Variants in COL15A1 observed in about 807,000 individuals in gnomAD.
COL15A1 encodes the protein collagen type XV alpha 1 chain.
In COL15A1, 111 loss-of-function variants were observed where a neutral mutation model predicts 165.9. The ratio of observed to expected loss-of-function variants is 0.67; its 90% confidence interval spans 0.57 to 0.78. COL15A1 has a LOEUF of 0.78. COL15A1 is among the 30% of genes least tolerant of loss of function. The probability of loss-of-function intolerance (pLI) is 0.00; values close to 1 mark genes in which losing one functional copy is unlikely to be tolerated. For synonymous variants in COL15A1, 659 were observed against 674.8 expected (o/e 0.98, Z 0.36); for missense variants, 1,745 against 1,789.7 (o/e 0.98, Z 0.45).
At chr9:98,966,931 T>C (rs1332127690) in intron 2 of COL15A1, among the ~76,000 whole-genome samples, 1 of 152,216 alleles carries the variant, frequency 6.6e-6, no homozygotes, top group East Asian at 1.9e-4. Context: ...AAATATGATG[T>C]GTTAAGACAG....
chr9:98,991,646 C>T (rs1371373861), intron 5 of COL15A1, among the ~76,000 whole-genome samples: 1 of 152,100 alleles, frequency 6.6e-6, no homozygotes, highest in Non-Finnish European at 1.5e-5. Context: ...GAGCTAGATA[C>T]AGAGTGCCGA....
At chr9:99,032,675 T>C (rs1023101237) in intron 16 of COL15A1, among the ~76,000 whole-genome samples, 1 of 152,226 alleles carries the variant, frequency 6.6e-6, no homozygotes, top group Non-Finnish European at 1.5e-5. Flanking sequence ...TTGGAACTTC[T>C]GATTGTGGCT....
intron 2 of COL15A1, among the ~76,000 whole-genome samples, chr9:98,980,212 T>C (rs1313118590): frequency 6.6e-6 from 1 of 151,674 alleles, no homozygotes; most frequent in Non-Finnish European, 1.5e-5. Flanking sequence ...ATTCATTTGT[T>C]CATTCATTCA....
intron 38 of COL15A1, 94 bp from the exon 39 acceptor site, chr9:99,062,956 T>C (rs577745405): frequency 1.8e-5 from 26 of 1,454,152 alleles, no homozygotes; most frequent in South Asian, 2.8e-5. Context: ...TTAAAGCATC[T>C]TCTCAAGAAA....
intron 12 of COL15A1, among the ~76,000 whole-genome samples, chr9:99,021,694 T>G (rs1588519082): frequency 6.6e-6 from 1 of 152,216 alleles, no homozygotes; most frequent in Admixed American, 6.5e-5. Context: ...ATGATGTTCC[T>G]GTAAAGGTCA....
At chr9:98,962,075 G>A (rs1341243965) in intron 2 of COL15A1, among the ~76,000 whole-genome samples, 1 of 152,214 alleles carries the variant, frequency 6.6e-6, no homozygotes, top group Non-Finnish European at 1.5e-5. Flanking sequence ...GCTTCCTCCC[G>A]TCTATACAAC....
chr9:99,057,643 A>G (rs577930269), intron 35 of COL15A1, among the ~76,000 whole-genome samples: 1 of 152,340 alleles, frequency 6.6e-6, no homozygotes, highest in African/African-American at 2.4e-5. Context: ...TTCCAAGGTC[A>G]CACAGCTAAT....
At chr9:98,951,717 C>T (rs368004978) in intron 2 of COL15A1, among the ~76,000 whole-genome samples, 1 of 151,708 alleles carries the variant, frequency 6.6e-6, no homozygotes, top group African/African-American at 2.4e-5. Flanking sequence ...ACCCTCATAC[C>T]CAGCTAATTT....
intron 6 of COL15A1, among the ~76,000 whole-genome samples, chr9:99,000,411 G>A (rs569151402): frequency 6.6e-6 from 1 of 151,646 alleles, no homozygotes; most frequent in African/African-American, 2.4e-5. Context: ...ATAATGATAC[G>A]ATATCTATAC....
chr9:99,006,610 G>C (rs1229045665), intron 9 of COL15A1, among the ~76,000 whole-genome samples: 3 of 151,542 alleles, frequency 2.0e-5, no homozygotes, highest in Non-Finnish European at 4.4e-5. Flanking sequence ...GAACAAAGTG[G>C]CTGTCTCCTT....
chr9:99,039,376 G>A (rs1839360908), intron 22 of COL15A1, among the ~76,000 whole-genome samples: 1 of 152,174 alleles, frequency 6.6e-6, no homozygotes, highest in African/African-American at 2.4e-5. Context: ...GGGCATGGTG[G>A]CATGTGCCTG....
chr9:99,008,720 A>G (rs549459524), intron 9 of COL15A1, among the ~76,000 whole-genome samples: 1 of 152,166 alleles, frequency 6.6e-6, no homozygotes, highest in Non-Finnish European at 1.5e-5. Context: ...AGTGATTCTC[A>G]TGGCTCAGCC....
intron 16 of COL15A1, among the ~76,000 whole-genome samples, chr9:99,026,316 C>A (rs1839123254): frequency 6.6e-6 from 1 of 152,200 alleles, no homozygotes; most frequent in South Asian, 2.1e-4. Context: ...ACATCTCTCA[C>A]TTTTGTCTCC....
Position 98,966,268 on chromosome 9 carries a change from CTT to C in COL15A1, c.101-19296_101-19295del, listed in dbSNP as rs1378712721. On this transcript the variant is annotated intron_variant, in intron 2 of 41. Coordinates refer to ENST00000375001, the MANE Select transcript of COL15A1 (RefSeq NM_001855.5). ...AGGCCATGTTTCACTTAGAGAAAGA[CTT>C]AGAAAGCTCAGAATTAAAATACTCT... Among the ~76,000 whole-genome samples the C allele has an allele frequency of 3.3e-5, 5 of 152,310 alleles. 1 individual carries two copies. The East Asian group carries it at 7.7e-4, about 23-fold the overall frequency.
chr9:98,965,580 C>T (rs1033764100), intron 2 of COL15A1, among the ~76,000 whole-genome samples: 2 of 152,200 alleles, frequency 1.3e-5, no homozygotes, highest in African/African-American at 4.8e-5. Context: ...GAGGCTATCT[C>T]GGGGTCCCAT....
intron 5 of COL15A1, among the ~76,000 whole-genome samples, chr9:98,995,540 G>A (rs1018729463): frequency 6.6e-6 from 1 of 152,156 alleles, no homozygotes; most frequent in African/African-American, 2.4e-5. Flanking sequence ...CCTGGGCTCT[G>A]TTCCACTGCT....
chr9:99,047,442 T>C lies in COL15A1; in HGVS notation c.2680-344T>C, dbSNP rs537325626. Among the ~76,000 whole-genome samples the C allele has an allele frequency of 1.2e-3, 187 of 152,300 alleles. No individual in the cohort carries two copies. The South Asian group carries it at 0.013, about 11-fold the overall frequency. The stretch of plus-strand genomic sequence containing the variant: ...AGACCTAGGGCAGAGGTCCATGTTC[T>C]GGGCTGGCCCAGCACCTGGCTACCA... On this transcript the variant is annotated intron_variant, in intron 26 of 41. Transcript: ENST00000375001.
intron 9 of COL15A1, among the ~76,000 whole-genome samples, chr9:99,012,614 C>T (rs906839112): frequency 4.0e-5 from 6 of 151,428 alleles, no homozygotes; most frequent in African/African-American, 1.5e-4. Flanking sequence ...AAAATACTTG[C>T]AAGAAGAGGC....
intron 2 of COL15A1, among the ~76,000 whole-genome samples, chr9:98,984,807 T>C (rs576260283): frequency 6.6e-6 from 1 of 152,332 alleles, no homozygotes; most frequent in Non-Finnish European, 1.5e-5. Flanking sequence ...TTTTTGTTTT[T>C]TTGAGATGGA....
Sources: allele counts gnomAD v4.1 joint callset (sites outside exome capture counted in the v4.1 genomes callset), GRCh38; gene constraint gnomAD v4.1.1; transcripts MANE v1.5; gene names NCBI Gene and HGNC (gene_info 2026-07-23, HGNC 2026-07-21).